STAT6: variants seen among roughly 807,000 people sequenced by gnomAD.
STAT6 encodes signal transducer and activator of transcription 6, also known as STAT, interleukin4-induced.
Under a neutral mutation model 106.3 loss-of-function variants are expected in STAT6, and 45 were observed. The ratio of observed to expected loss-of-function variants is 0.42; its 90% CI spans 0.33 to 0.54. The LOEUF is 0.54. STAT6 is among the 20% of genes least tolerant of loss of function. The pLI is 0.06. For missense variants in STAT6, 797 were observed against 1,062.2 expected (o/e 0.75, Z 3.47); for synonymous variants, 413 against 413.6 (o/e 1.00, Z 0.02).
At chr12:57,100,752 A>G (rs1013126283) in intron 13 of STAT6, 2 of 276,274 alleles carry the variant, frequency 7.2e-6, no homozygotes, top group African/African-American at 2.3e-5. Context: ...GAAAGAAAAG[A>G]AAAAAAAACC....
intron 4 of STAT6, 39 bp downstream of exon 4, chr12:57,107,191 AG>A (rs2034328510): frequency 3.8e-6 from 6 of 1,586,366 alleles, no homozygotes; most frequent in Non-Finnish European, 5.2e-6. Flanking sequence ...CCAAAGTCTC[AG>A]GGGATTGAGT....
At position 57,102,910 on chromosome 12, in the gene STAT6, C is replaced by T. The variant is rs766111884; in HGVS notation, c.1224G>A (p.Leu408=). 3.2e-6 allele frequency: 5 copies of T among 1,586,298 alleles called. No homozygotes were observed. Among genetic ancestry groups the T allele is most frequent in the Non-Finnish European group, 4.3e-6 (5 of 1,165,916 alleles). Reference sequence around the variant, plus strand: ...TGCCATGGACGATGACCACCAGGGGCAGAGACAGGGCCTGAAGAGGGTGAG... The same window carrying T: ...TGCCATGGACGATGACCACCAGGGGTAGAGACAGGGCCTGAAGAGGGTGAG... ...KLPIQLQALS[L]PLVVIVHGNQ... is the part of the protein sequence containing the mutation. The change falls in exon 12 of 22, where the codon CTG becomes CTA. Residue 408 remains leucine (L), a synonymous_variant. Coordinates refer to ENST00000300134, the MANE Select transcript of STAT6 (RefSeq NM_003153.5).
Position 57,108,218 on chromosome 12 carries a change from C to T in STAT6, c.61G>A (p.Asp21Asn), listed in dbSNP as rs771572649. Residue 21 changes from aspartate to asparagine, a missense_variant, in exon 2 of 22, where the codon GAC (aspartate) becomes AAC (asparagine). Physicochemically the swap from Asp to Asn is conservative, Grantham distance 23. This residue lies in a region of STAT6 where 336 missense variants were observed against 429.8 expected (regional missense o/e 0.78). Coordinates refer to ENST00000300134, the MANE Select transcript of STAT6 (RefSeq NM_003153.5). ...AGATGCCGCAGGTGTTGGGGAAAGTCGACATAGAGCCGCTGCACTTTTTCT... is the reference window on the plus strand; with the variant it reads ...AGATGCCGCAGGTGTTGGGGAAAGTTGACATAGAGCCGCTGCACTTTTTCT... ...PPEKVQRLYV[D>N]FPQHLRHLLG... The T allele has an allele frequency of 2.6e-5, 42 of 1,612,888 alleles. No individual in the cohort carries two copies. Among genetic ancestry groups the T allele is most frequent in the Non-Finnish European group, 3.1e-5 (37 of 1,179,654 alleles).
chr12:57,107,557 G>C (rs1343813219), intron 3 of STAT6, 48 bp downstream of exon 3: 1 of 1,599,094 alleles, frequency 6.3e-7, no homozygotes, highest in African/African-American at 1.3e-5. Context: ...GCTCAACCCA[G>C]TTCAACCTCA....
At chr12:57,097,363 T>C in intron 19 of STAT6, 1 of 376,438 alleles carries the variant, frequency 2.7e-6, no homozygotes. Context: ...TGAACTTTGG[T>C]AGTTCTTAAG....
intron 12 of STAT6, 152 bp downstream of exon 12, chr12:57,102,677 A>G (rs981872455): frequency 1.8e-5 from 16 of 904,488 alleles, no homozygotes; most frequent in Non-Finnish European, 2.5e-5. Context: ...ACTGGGGTGA[A>G]AAGAGGTCAG....
At position 57,096,647 on chromosome 12, in the gene STAT6, G is replaced by A. The variant is rs1382405139; in HGVS notation, c.2469C>T (p.Leu823=). ...SGGGSLGAQP[L]LQPSHYGQSG... is the part of the protein sequence containing the mutation. ...ATTGCCCATAGTGGGAGGGCTGCAGGAGGGGCTGTGCCCCCAAGGACCCTC... is the reference window on the plus strand; with the variant it reads ...ATTGCCCATAGTGGGAGGGCTGCAGAAGGGGCTGTGCCCCCAAGGACCCTC... The change falls in exon 22 of 22, where the codon CTC becomes CTT. Residue 823 remains leucine, a synonymous_variant. Transcript: ENST00000300134. 1.2e-6 allele frequency: 2 copies of A among 1,608,826 alleles called. No homozygotes were observed. The highest frequency in any genetic ancestry group is 2.7e-5 in the African/African-American group (2 of 74,572).
At position 57,099,516 on chromosome 12, in the gene STAT6, G is replaced by C; in HGVS notation, c.1745-76C>G. 1 of 1,591,282 alleles carries C rather than the reference G, an allele frequency of 6.3e-7. No homozygotes were observed. The highest frequency in any genetic ancestry group is 1.1e-5 in the South Asian group (1 of 89,438). On this transcript the variant is annotated intron_variant, in intron 15 of 21. Coordinates refer to ENST00000300134, the MANE Select transcript of STAT6 (RefSeq NM_003153.5). The surrounding 1 kb of genome is among the most constrained non-coding windows in gnomAD (Gnocchi z 4.7). ...TTCCCCAACCCCTACCATAAGACCT[G>C]TTCTCACTCCACCAAGGCAAGGGAG...
Position 57,102,901 on chromosome 12 carries a change from C to T in STAT6, c.1233G>A (p.Val411=). Residue 411 remains valine, a synonymous_variant, in exon 12 of 22, where the codon GTG becomes GTA. Coordinates refer to ENST00000300134, the MANE Select transcript of STAT6 (RefSeq NM_003153.5). ...IQLQALSLPL[V]VIVHGNQDNN... ...TGTCTTGGTTGCCATGGACGATGAC[C>T]ACCAGGGGCAGAGACAGGGCCTGAA... 2 of 1,602,416 alleles carry T rather than the reference C, an allele frequency of 1.2e-6. No homozygotes were observed. The highest frequency in any genetic ancestry group is 1.7e-6 in the Non-Finnish European group (2 of 1,174,264).
chr12:57,102,965 C>CATTTTTTTTTTTTTTTTTT (rs2034037304), intron 11 of STAT6, 44 bp from the exon 12 acceptor site: 1 of 289,636 alleles, frequency 3.5e-6, no homozygotes, highest in African/African-American at 6.2e-5. Flanking sequence ...TCTTTCTTTC[C>CATTTTTTTTTTTTTTTTTT]TTTTTTTTTT....
rs2033597463 is a variant in STAT6 at position 57,098,508 on chromosome 12, T to C, written c.2156A>G (p.Gln719Arg). The C allele has an allele frequency of 1.2e-6, 2 of 1,614,170 alleles. No individual in the cohort carries two copies. Among genetic ancestry groups the C allele is most frequent in the Non-Finnish European group, 8.5e-7 (1 of 1,180,018 alleles). The change falls in exon 19 of 22, where the codon CAG becomes CGG. Residue 719 changes from glutamine (Q) to arginine (R), a missense_variant. By Grantham distance (43) the Gln-to-Arg change is conservative. Around this residue, in one of 4 missense-constraint regions of STAT6, gnomAD observed 226 missense variants for 236.7 expected, o/e 0.95. Transcript: ENST00000300134. The part of the protein sequence containing the change: ...EESVNVLSAF[Q>R]EPHLQMPPSL... ...CCCCATGAGGTTTTTCACTTACTCCTGGAAGGCTGACAACACGTTGACTGA... is the reference window on the plus strand; with the variant it reads ...CCCCATGAGGTTTTTCACTTACTCCCGGAAGGCTGACAACACGTTGACTGA...
chr12:57,101,278 G>A (rs1439697227), intron 13 of STAT6, among the ~76,000 whole-genome samples: 1 of 151,858 alleles, frequency 6.6e-6, no homozygotes, highest in African/African-American at 2.4e-5. Flanking sequence ...TAGTAGAGAC[G>A]GGGTTTCACC....
intron 13 of STAT6, among the ~76,000 whole-genome samples, chr12:57,100,640 GAAA>G: frequency 1.3e-5 from 1 of 78,006 alleles, no homozygotes; most frequent in Non-Finnish European, 2.5e-5. Context: ...AAGAGAAAGA[GAAA>G]GAAAGAAAGA....
chr12:57,108,282 C>G lies in STAT6; in HGVS notation c.-4G>C, dbSNP rs1382994582. Reference sequence around the variant, plus strand: ...AGACCAGACCCCACAGAGACATGATCTGGGACTTGGAGGTTGCCTGGAGGA... The same window carrying G: ...AGACCAGACCCCACAGAGACATGATGTGGGACTTGGAGGTTGCCTGGAGGA... On this transcript the variant is annotated 5_prime_UTR_variant, in exon 2 of 22. Transcript: ENST00000300134. 50 of 1,595,984 alleles carry G rather than the reference C, an allele frequency of 3.1e-5. No homozygotes were observed. Among genetic ancestry groups the G allele is most frequent in the Non-Finnish European group, 4.2e-5 (49 of 1,166,516 alleles).
At chr12:57,098,102 G>T (rs2033566814) in intron 19 of STAT6, among the ~76,000 whole-genome samples, 1 of 152,138 alleles carries the variant, frequency 6.6e-6, no homozygotes, top group East Asian at 1.9e-4. Context: ...TTATGAAACT[G>T]CCAAAGACAG....
Position 57,102,912 on chromosome 12 carries a change from G to A in STAT6, c.1222C>T (p.Leu408=), listed in dbSNP as rs1181055779. The change falls in exon 12 of 22, where the codon CTG becomes TTG. Residue 408 remains leucine (L), a synonymous_variant. Transcript: ENST00000300134. ...CCATGGACGATGACCACCAGGGGCAGAGACAGGGCCTGAAGAGGGTGAGGA... is the reference window on the plus strand; with the variant it reads ...CCATGGACGATGACCACCAGGGGCAAAGACAGGGCCTGAAGAGGGTGAGGA... ...KLPIQLQALS[L]PLVVIVHGNQ... The A allele has an allele frequency of 1.3e-6, 2 of 1,576,304 alleles. No homozygotes were observed. Among genetic ancestry groups the A allele is most frequent in the South Asian group, 1.1e-5 (1 of 90,246 alleles).
chr12:57,106,442 C>T, intron 6 of STAT6, 86 bp downstream of exon 6: 1 of 1,607,944 alleles, frequency 6.2e-7, no homozygotes, highest in Non-Finnish European at 8.5e-7. Flanking sequence ...CCTTGCCCTA[C>T]TTCAGCCTGT....
chr12:57,103,083 C>T (rs2136594499), intron 11 of STAT6, 162 bp from the exon 12 acceptor site: 1 of 537,870 alleles, frequency 1.9e-6, no homozygotes, highest in Middle Eastern at 5.2e-4. Flanking sequence ...GCAGCCTCAG[C>T]CTTCAGGGCT....
chr12:57,100,779 T>C, intron 13 of STAT6: 1 of 373,582 alleles, frequency 2.7e-6, no homozygotes, highest in South Asian at 2.0e-5. Context: ...TAAAATAACA[T>C]AATATAACAT....
Sources: allele counts gnomAD v4.1 joint callset (sites outside exome capture counted in the v4.1 genomes callset), GRCh38; gene constraint gnomAD v4.1.1; regional missense constraint gnomAD v4.1.1; non-coding constraint Gnocchi (gnomAD v3.1); transcripts MANE v1.5; gene names NCBI Gene and HGNC (gene_info 2026-07-23, HGNC 2026-07-21).